The following ACER1 variants were observed in gnomAD, a reference collection of about 807,000 sequenced individuals.
ACER1 encodes the protein CTB-180A7.3.
In ACER1, 28 loss-of-function variants were observed where a neutral mutation model predicts 24.9. The ratio of observed to expected loss-of-function variants is 1.13; its 90% CI spans 0.83 to 1.54. The LOEUF (loss-of-function observed/expected upper bound fraction) is 1.54, where lower values mean the gene tolerates loss of function less well. Ranked by LOEUF, ACER1 falls within the 40% of genes most tolerant of loss-of-function variation. The pLI is 0.00. For synonymous variants in ACER1, 132 were observed against 131.4 expected (o/e 1.00, Z -0.03); for missense variants, 352 against 349.3 (o/e 1.01, Z -0.06).
Position 6,306,854 on chromosome 19 carries a change from A to G in ACER1, c.655T>C (p.Tyr219His). ...ACCAAGGCCATGGTGACCATGCCATAAGGGAAGGTGATGCTGATGAGCACA... is the reference window on the plus strand; with the variant it reads ...ACCAAGGCCATGGTGACCATGCCATGAGGGAAGGTGATGCTGATGAGCACA... ...WHVLISITFP[Y>H]GMVTMALVDA... Residue 219 changes from tyrosine to histidine, a missense_variant, in exon 6 of 6, where the codon TAT becomes CAT. Coordinates refer to ENST00000301452, the MANE Select transcript of ACER1 (RefSeq NM_133492.3). 6.2e-7 allele frequency: 1 copy of G among 1,614,006 alleles called. No homozygotes were observed.
intron 1 of ACER1, among the ~76,000 whole-genome samples, chr19:6,315,464 C>T (rs2091598955): frequency 6.6e-6 from 1 of 152,058 alleles, no homozygotes; most frequent in Non-Finnish European, 1.5e-5. Flanking sequence ...ACTGCAAGCT[C>T]CGCCTCCCGG....
At chr19:6,334,469 C>T (rs1056959047), upstream of ACER1, among the ~76,000 whole-genome samples, 5 of 152,012 alleles carry the variant, frequency 3.3e-5, no homozygotes, top group African/African-American at 1.2e-4. Flanking sequence ...CTCAGCCTCC[C>T]AAGTAGCTGG....
chr19:6,333,649 TGCCCCGCG>T, upstream of ACER1: 2 of 1,029,758 alleles, frequency 1.9e-6, no homozygotes, highest in Non-Finnish European at 1.4e-6. Context: ...GACAGCCCGG[TGCCCCGCG>T]GCAGGCAGAC....
intron 1 of ACER1, among the ~76,000 whole-genome samples, chr19:6,332,380 C>T (rs1223442666): frequency 6.7e-6 from 1 of 150,226 alleles, no homozygotes; most frequent in African/African-American, 2.5e-5. Flanking sequence ...AAGAAATCCT[C>T]CCCCCTCAGC....
At chr19:6,315,134 C>G (rs1393047281) in intron 1 of ACER1, among the ~76,000 whole-genome samples, 2 of 151,886 alleles carry the variant, frequency 1.3e-5, no homozygotes, top group Non-Finnish European at 2.9e-5. Flanking sequence ...CCGCCCGCCT[C>G]GGCCTCCCAA....
At chr19:6,336,725 C>T (rs1033345096), upstream of ACER1, among the ~76,000 whole-genome samples, 5 of 146,766 alleles carry the variant, frequency 3.4e-5, no homozygotes, top group African/African-American at 1.3e-4. Flanking sequence ...GAGGCTGAGG[C>T]AGGAAAATCG....
intron 4 of ACER1, 84 bp downstream of exon 4, chr19:6,309,613 G>A (rs2091567619): frequency 1.3e-6 from 2 of 1,558,708 alleles, no homozygotes; most frequent in East Asian, 2.3e-5. Context: ...TTGGAGAAGG[G>A]ACGTCCCCTC....
intron 1 of ACER1, among the ~76,000 whole-genome samples, chr19:6,324,871 GGAAGGAAGGAAGGAAGGA>G (rs2091652524): frequency 7.3e-6 from 1 of 137,800 alleles, no homozygotes; most frequent in African/African-American, 3.0e-5. Context: ...AAGGAAGGAA[GGAAGGAAGGAAGGAAGGA>G]AGGAAGGAAG....
chr19:6,311,616 G>A (rs369373595), intron 3 of ACER1, among the ~76,000 whole-genome samples: 19 of 148,310 alleles, frequency 1.3e-4, no homozygotes, highest in Admixed American at 4.0e-4. Flanking sequence ...GAAGGAGAAG[G>A]AGAAGGAGGA....
chr19:6,313,865 G>A (rs765306712), intron 1 of ACER1, among the ~76,000 whole-genome samples: 37 of 152,282 alleles, frequency 2.4e-4, no homozygotes, highest in Non-Finnish European at 4.1e-4. Context: ...AAGCCACCAC[G>A]CTGGAGAAAC....
intron 1 of ACER1, among the ~76,000 whole-genome samples, chr19:6,332,435 T>C (rs1262035951): frequency 6.6e-6 from 1 of 151,820 alleles, no homozygotes; most frequent in African/African-American, 2.4e-5. Context: ...CACACCCAGC[T>C]AATTTTTAAA....
the ACER1 span, among the ~76,000 whole-genome samples, chr19:6,358,437 C>A: frequency 6.6e-6 from 1 of 152,094 alleles, no homozygotes; most frequent in Admixed American, 6.6e-5. Context: ...GACTGCAGTC[C>A]CCTCGAGGTT....
intron 1 of ACER1, among the ~76,000 whole-genome samples, chr19:6,314,469 C>CAA (rs760683029): frequency 2.2e-4 from 20 of 91,016 alleles, no homozygotes; most frequent in African/African-American, 7.2e-4. Context: ...GACTTCACCT[C>CAA]AAAAAAAAAA....
chr19:6,339,944 C>T, the ACER1 span, among the ~76,000 whole-genome samples: 2 of 151,560 alleles, frequency 1.3e-5, no homozygotes, highest in Non-Finnish European at 2.9e-5. Context: ...GGATTACAGG[C>T]GTGAGCCACC....
chr19:6,319,079 A>G (rs1239225842), intron 1 of ACER1, among the ~76,000 whole-genome samples: 2 of 152,200 alleles, frequency 1.3e-5, no homozygotes, highest in Admixed American at 1.3e-4. Flanking sequence ...GAGCTCAAAA[A>G]ATAGCTGGGG....
At chr19:6,336,576 T>G (rs535386641), upstream of ACER1, among the ~76,000 whole-genome samples, 10 of 152,122 alleles carry the variant, frequency 6.6e-5, no homozygotes, top group South Asian at 1.2e-3. Flanking sequence ...ATCCCAGCAC[T>G]TTAGGAAGCC....
At chr19:6,337,566 G>A (rs922284086), upstream of ACER1, among the ~76,000 whole-genome samples, 14 of 146,728 alleles carry the variant, frequency 9.5e-5, no homozygotes, top group Admixed American at 9.0e-4. Context: ...CGATTCTCTT[G>A]CCTGAGCCTT....
the ACER1 span, among the ~76,000 whole-genome samples, chr19:6,351,935 C>T: frequency 9.4e-5 from 14 of 149,662 alleles, no homozygotes; most frequent in African/African-American, 3.0e-4. Flanking sequence ...GGGCGCCTGT[C>T]GTCCCAGCTA....
intron 1 of ACER1, among the ~76,000 whole-genome samples, chr19:6,332,881 G>T (rs1260023317): frequency 1.3e-5 from 2 of 151,866 alleles, no homozygotes; most frequent in Non-Finnish European, 2.9e-5. Flanking sequence ...GTTGCCCAGG[G>T]CGATCTCCAA....
Sources: gnomAD v4.1 joint callset for allele counts (sites outside exome capture counted in the v4.1 genomes callset) on GRCh38, gnomAD v4.1.1 for gene constraint, MANE v1.5 for transcripts, NCBI Gene and HGNC (gene_info 2026-07-23, HGNC 2026-07-21) for gene names.